The following CYP20A1 variants were observed in gnomAD, a reference collection of about 807,000 sequenced individuals.
The protein encoded by CYP20A1 is cytochrome P450 family 20 subfamily A member 1.
In CYP20A1, 61 loss-of-function variants were observed where a neutral mutation model predicts 61.4. The observed-to-expected ratio is 0.99, with a 90% CI of 0.81 to 1.23. CYP20A1 has a LOEUF of 1.23. Among genes scored for constraint, CYP20A1 ranks in the 50% most tolerant of loss-of-function variants. CYP20A1 has a pLI of 0.00. For missense variants in CYP20A1, 530 were observed against 542.4 expected, an observed-to-expected ratio of 0.98 and a Z score of 0.23; for synonymous variants, 193 against 188.2, an observed-to-expected ratio of 1.03 and a Z score of -0.21.
At chr2:203,280,501 G>A (rs963233107) in intron 8 of CYP20A1, among the ~76,000 whole-genome samples, 3 of 152,190 alleles carry the variant, frequency 2.0e-5, no homozygotes, top group African/African-American at 7.2e-5. Context: ...CCAGGAGTTC[G>A]AGACCAGTCT....
chr2:203,280,467 C>A (rs1227058927), intron 8 of CYP20A1, among the ~76,000 whole-genome samples: 4 of 152,084 alleles, frequency 2.6e-5, no homozygotes, highest in Non-Finnish European at 5.9e-5. Flanking sequence ...TTTTGGGAGG[C>A]CAGGGCAGGA....
At chr2:203,254,283 T>C (rs1228683541) in intron 4 of CYP20A1, among the ~76,000 whole-genome samples, 2 of 152,096 alleles carry the variant, frequency 1.3e-5, no homozygotes, top group Non-Finnish European at 2.9e-5. Flanking sequence ...CCCTGTTACT[T>C]AGAGTGAATG....
chr2:203,269,598 G>A (rs977747308), intron 5 of CYP20A1, among the ~76,000 whole-genome samples: 6 of 151,366 alleles, frequency 4.0e-5, no homozygotes, highest in African/African-American at 1.2e-4. Flanking sequence ...AGGTTAAAGC[G>A]ATTCTCCTGC....
intron 11 of CYP20A1, among the ~76,000 whole-genome samples, chr2:203,293,460 C>CT (rs2152112158): frequency 1.3e-5 from 2 of 151,160 alleles, no homozygotes; most frequent in South Asian, 4.2e-4. Flanking sequence ...CATGATCCAC[C>CT]CGCCTCAGCC....
Position 203,285,750 on chromosome 2 carries a change from AGAG to A in CYP20A1, c.971+22_971+24del. ...CAGCTCAGGTAAGAACACAATAAAAAGAGGAGATTATTAAAAGGTAAATTTGAA... is the reference window on the plus strand; with the variant it reads ...CAGCTCAGGTAAGAACACAATAAAAAGAGATTATTAAAAGGTAAATTTGAA... On this transcript the variant is annotated intron_variant, in intron 9 of 12. Coordinates refer to ENST00000356079, the MANE Select transcript of CYP20A1 (RefSeq NM_177538.3). The A allele has an allele frequency of 3.2e-6, 5 of 1,538,708 alleles. No homozygotes were observed. Among genetic ancestry groups the A allele is most frequent in the Non-Finnish European group, 2.6e-6 (3 of 1,153,776 alleles).
chr2:203,280,921 A>G (rs999454368), intron 8 of CYP20A1, among the ~76,000 whole-genome samples: 2 of 152,102 alleles, frequency 1.3e-5, no homozygotes, highest in Admixed American at 6.5e-5. Context: ...CACCTTTCCA[A>G]CCAAAACAGT....
intron 1 of CYP20A1, among the ~76,000 whole-genome samples, chr2:203,239,614 C>T (rs1351131356): frequency 2.0e-5 from 3 of 152,216 alleles, no homozygotes; most frequent in African/African-American, 7.2e-5. Context: ...ATCGATCTAT[C>T]CTGACTGGAA....
chr2:203,280,580 G>A lies in CYP20A1; in HGVS notation c.850+467G>A, dbSNP rs373146391. ...GCTGGGTGTGGTGGCGCATGCCTGT[G>A]GTTGCAGCCACTCGGGAAGCTGAGG... On this transcript the variant is annotated intron_variant, in intron 8 of 12. Transcript: ENST00000356079. Among the ~76,000 whole-genome samples the A allele has an allele frequency of 9.5e-4, 145 of 152,266 alleles. 2 individuals are homozygous for A. The South Asian group carries it at 0.029, about 31-fold the overall frequency.
chr2:203,273,522 G>A (rs547214933), intron 6 of CYP20A1, among the ~76,000 whole-genome samples: 19 of 152,184 alleles, frequency 1.2e-4, no homozygotes, highest in African/African-American at 3.6e-4. Flanking sequence ...AAAAAATGGC[G>A]GCCATGGCAG....
In CYP20A1 at chr2:203,251,590, T is replaced by C. The variant is rs1036095381; in HGVS notation, c.290-377T>C. On this transcript the variant is annotated intron_variant, in intron 3 of 12. Transcript: ENST00000356079. ...TTCGAGACCAGCCTGGCCAACATGT[T>C]GAAACCCCGTCTCTACTAGAAGTAC... Among the ~76,000 whole-genome samples, 4 of 150,722 alleles carry C rather than the reference T, an allele frequency of 2.7e-5. No individual in the cohort carries two copies. The South Asian group carries it at 6.4e-4, about 24-fold the overall frequency.
chr2:203,274,926 C>T (rs2067754139), intron 6 of CYP20A1, among the ~76,000 whole-genome samples: 1 of 152,098 alleles, frequency 6.6e-6, no homozygotes, highest in Admixed American at 6.6e-5. Flanking sequence ...AATTGTCTGG[C>T]ATAATGTGTT....
intron 4 of CYP20A1, among the ~76,000 whole-genome samples, chr2:203,257,904 C>CT (rs768153310): frequency 1.4e-4 from 7 of 50,870 alleles, no homozygotes; most frequent in Non-Finnish European, 5.1e-4. Context: ...AATCAGGTAT[C>CT]TTTTTTTATT....
intron 7 of CYP20A1, among the ~76,000 whole-genome samples, chr2:203,278,906 G>C (rs1271171478): frequency 6.6e-6 from 1 of 152,100 alleles, no homozygotes; most frequent in East Asian, 1.9e-4. Context: ...CTTTAATCCA[G>C]ATACCCTCCT....
Position 203,304,172 on chromosome 2 carries a change from A to G in CYP20A1, c.*7264A>G, listed in dbSNP as rs1397517301. Among the ~76,000 whole-genome samples the G allele has an allele frequency of 2.0e-5, 3 of 152,114 alleles. No individual in the cohort carries two copies. The South Asian group carries it at 6.2e-4, about 32-fold the overall frequency. On this transcript the variant is annotated 3_prime_UTR_variant, in exon 13 of 13. Transcript: ENST00000356079. ...GGTTGCAGTGTGCCGAGATCGCACCACTGTACTCCAGCCTAGGTGACAGAG... is the reference window on the plus strand; with the variant it reads ...GGTTGCAGTGTGCCGAGATCGCACCGCTGTACTCCAGCCTAGGTGACAGAG...
chr2:203,284,493 G>T (rs1191819309), intron 8 of CYP20A1, among the ~76,000 whole-genome samples: 5 of 150,832 alleles, frequency 3.3e-5, no homozygotes, highest in South Asian at 2.1e-4. Flanking sequence ...ATTTCTTCTG[G>T]TTTTTTTCTC....
intron 5 of CYP20A1, among the ~76,000 whole-genome samples, chr2:203,269,617 C>T (rs2067480247): frequency 6.6e-6 from 1 of 151,870 alleles, no homozygotes; most frequent in African/African-American, 2.4e-5. Context: ...GCCTCAGCCT[C>T]CCCAGTAGCT....
chr2:203,255,969 G>A (rs2066878919), intron 4 of CYP20A1, among the ~76,000 whole-genome samples: 1 of 151,976 alleles, frequency 6.6e-6, no homozygotes, highest in African/African-American at 2.4e-5. Flanking sequence ...TATTTATTTT[G>A]TTTTAATTTT....
chr2:203,280,744 T>G (rs533358945), intron 8 of CYP20A1, among the ~76,000 whole-genome samples: 1 of 152,314 alleles, frequency 6.6e-6, no homozygotes, highest in African/African-American at 2.4e-5. Context: ...GACTTCTTTA[T>G]AATTTTTCCC....
chr2:203,283,297 A>G (rs1044073145), intron 8 of CYP20A1, among the ~76,000 whole-genome samples: 1 of 145,076 alleles, frequency 6.9e-6, no homozygotes, highest in African/African-American at 2.5e-5. Flanking sequence ...GCTCACTGCA[A>G]CCTCCACCTC....
Sources: gnomAD v4.1 joint callset for allele counts (sites outside exome capture counted in the v4.1 genomes callset) on GRCh38, gnomAD v4.1.1 for gene constraint, MANE v1.5 for transcripts, NCBI Gene and HGNC (gene_info 2026-07-23, HGNC 2026-07-21) for gene names.